PKN2: variants seen among roughly 807,000 people sequenced by gnomAD.
PKN2 encodes protein kinase N2, also known as serine/threonine-protein kinase N2.
PKN2 carries 38 observed loss-of-function variants against 119.1 expected under a neutral mutation model. The observed-to-expected ratio is 0.32, with a 90% CI of 0.25 to 0.42. The LOEUF (loss-of-function observed/expected upper bound fraction) is 0.42. PKN2 is among the 10% of genes least tolerant of loss of function. PKN2 has a pLI of 1.00. For synonymous variants in PKN2, 390 were observed against 384.9 expected, an observed-to-expected ratio of 1.01 and a Z score of -0.15; for missense variants, 850 against 1,165.1, an observed-to-expected ratio of 0.73 and a Z score of 3.94.
chr1:88,794,258 T>C (rs991749944), intron 8 of PKN2, among the ~76,000 whole-genome samples: 1 of 151,982 alleles, frequency 6.6e-6, no homozygotes, highest in Admixed American at 6.6e-5. Context: ...TCCCAGCTAC[T>C]TGGGAGGCTT....
chr1:88,789,136 G>A (rs2100837293), intron 8 of PKN2, among the ~76,000 whole-genome samples: 1 of 152,314 alleles, frequency 6.6e-6, no homozygotes, highest in African/African-American at 2.4e-5. Flanking sequence ...GAGGGAAAGA[G>A]AGTATAGAAG....
At chr1:88,684,731 A>G in intron 1 of PKN2, 103 bp downstream of exon 1, 1 of 1,008,852 alleles carries the variant, frequency 9.9e-7, no homozygotes, top group Admixed American at 3.8e-5. Flanking sequence ...CCGCGCCCCT[A>G]GCCCGCTAAG....
At chr1:88,721,115 T>C (rs1474379954) in intron 1 of PKN2, among the ~76,000 whole-genome samples, 1 of 151,934 alleles carries the variant, frequency 6.6e-6, no homozygotes, top group Admixed American at 6.6e-5. Context: ...TATAATGACT[T>C]TTTTTTTCGT....
rs1393411607 is a variant in PKN2, at chr1:88,684,532, C to T, written c.-49C>T. ...CCCCGAGCCCCGTCCCGCCTTCTCCCTTCGCCAGAGGCGGCCGCGTCCAGG... is the reference window on the plus strand; with the variant it reads ...CCCCGAGCCCCGTCCCGCCTTCTCCTTTCGCCAGAGGCGGCCGCGTCCAGG... On this transcript the variant is annotated 5_prime_UTR_variant, in exon 1 of 22. Coordinates refer to ENST00000370521, the MANE Select transcript of PKN2 (RefSeq NM_006256.4). The T allele has an allele frequency of 2.6e-6, 4 of 1,527,480 alleles. No individual in the cohort carries two copies. The highest frequency in any genetic ancestry group is 2.6e-6 in the Non-Finnish European group (3 of 1,133,644). 94.6% of individuals were successfully genotyped at this position (1,527,480 alleles called of 1,614,324 possible). A position where few individuals can be genotyped will look rare whatever the true frequency, so the allele number is the denominator to read the frequency against.
At chr1:88,765,109 A>G (rs557674501) in intron 3 of PKN2, among the ~76,000 whole-genome samples, 2 of 152,042 alleles carry the variant, frequency 1.3e-5, no homozygotes, top group East Asian at 1.9e-4. Context: ...TTGTATTGCT[A>G]GTAGAGATGG....
At chr1:88,720,523 C>T (rs954627814) in intron 1 of PKN2, among the ~76,000 whole-genome samples, 2 of 152,132 alleles carry the variant, frequency 1.3e-5, no homozygotes, top group African/African-American at 4.8e-5. Flanking sequence ...AATACAGCCC[C>T]ATTGAGAAGT....
intron 15 of PKN2, 99 bp from the exon 16 acceptor site, chr1:88,813,458 A>G (rs1454173305): frequency 1.3e-6 from 1 of 794,314 alleles, no homozygotes; most frequent in East Asian, 2.9e-5. Context: ...AGTTATAGTT[A>G]AAATTTTGCT....
chr1:88,770,355 C>T lies in PKN2; in HGVS notation c.508C>T (p.Arg170Trp), dbSNP rs1284048661. The T allele has an allele frequency of 1.3e-6, 2 of 1,588,772 alleles. No homozygotes were observed. Among genetic ancestry groups the T allele is most frequent in the Non-Finnish European group, 1.7e-6 (2 of 1,160,172 alleles). ...TTCAAACTTATTTTTTTAATAGGAT[C>T]GGAAACTCCATGGTACAGCTCAGCA... is the stretch of plus-strand genomic sequence containing the variant. ...QMYSNGSSKD[R>W]KLHGTAQQLL... Residue 170 changes from arginine to tryptophan, a missense_variant, in exon 4 of 22, where the codon CGG becomes TGG. Around this residue, in one of 9 missense-constraint regions of PKN2, gnomAD observed 350 missense variants for 511.1 expected, o/e 0.68. Coordinates refer to ENST00000370521, the MANE Select transcript of PKN2 (RefSeq NM_006256.4).
chr1:88,786,165 C>A lies in PKN2; in HGVS notation c.1233C>A (p.Pro411=). The part of the protein sequence containing the change: ...NTVVGQTSWK[P]ISNQSWDQKF... Reference sequence around the variant, plus strand: ...TGGTTGGCCAAACTAGCTGGAAACCCATTTCCAATCAGTCATGGGACCAGA... The same window carrying A: ...TGGTTGGCCAAACTAGCTGGAAACCAATTTCCAATCAGTCATGGGACCAGA... Residue 411 remains proline, a synonymous_variant, in exon 8 of 22, where the codon CCC becomes CCA. Coordinates refer to ENST00000370521, the MANE Select transcript of PKN2 (RefSeq NM_006256.4). 1 of 1,611,998 alleles carries A rather than the reference C, an allele frequency of 6.2e-7. No individual in the cohort carries two copies. The highest frequency in any genetic ancestry group is 2.2e-5 in the East Asian group (1 of 44,816).
At chr1:88,808,389 T>C (rs1239320641) in intron 15 of PKN2, among the ~76,000 whole-genome samples, 1 of 152,092 alleles carries the variant, frequency 6.6e-6, no homozygotes, top group Non-Finnish European at 1.5e-5. Flanking sequence ...CACTGCAACC[T>C]CCACCTCCTG....
At chr1:88,731,527 G>A (rs1668142742) in intron 1 of PKN2, among the ~76,000 whole-genome samples, 1 of 152,196 alleles carries the variant, frequency 6.6e-6, no homozygotes, top group African/African-American at 2.4e-5. Context: ...GCTGAACCCA[G>A]CCAGGTCTCT....
intron 1 of PKN2, 34 bp downstream of exon 1, chr1:88,684,662 G>A (rs1046058812): frequency 8.0e-6 from 12 of 1,492,108 alleles, no homozygotes; most frequent in African/African-American, 1.5e-5. Context: ...AGGCGCTGGC[G>A]GAGGAGACAG....
At chr1:88,749,862 C>G (rs1245549462) in intron 2 of PKN2, among the ~76,000 whole-genome samples, 1 of 152,066 alleles carries the variant, frequency 6.6e-6, no homozygotes, top group Non-Finnish European at 1.5e-5. Context: ...AGTATAGTTC[C>G]TCTTTAATTG....
At chr1:88,801,137 A>G (rs752968739) in intron 8 of PKN2, among the ~76,000 whole-genome samples, 1 of 152,188 alleles carries the variant, frequency 6.6e-6, no homozygotes, top group African/African-American at 2.4e-5. Flanking sequence ...TAATCTCAGC[A>G]CTTTGGGGGA....
chr1:88,771,817 G>T lies in PKN2; in HGVS notation c.923G>T (p.Arg308Leu). 1 of 1,613,868 alleles carries T rather than the reference G, an allele frequency of 6.2e-7. No homozygotes were observed. Among genetic ancestry groups the T allele is most frequent in the Non-Finnish European group, 8.5e-7 (1 of 1,179,922 alleles). ...LVAASPTLSP[R>L]QSMISTQNQY... Reference sequence around the variant, plus strand: ...GCTGCATCACCAACACTAAGTCCACGTCAAAGTATGATATCTACGCAAAAT... The same window carrying T: ...GCTGCATCACCAACACTAAGTCCACTTCAAAGTATGATATCTACGCAAAAT... The change falls in exon 6 of 22, where the codon CGT (arginine) becomes CTT (leucine). Residue 308 changes from arginine (R) to leucine (L), a missense_variant. This residue lies in a region of PKN2 where 350 missense variants were observed against 511.1 expected (regional missense o/e 0.68). Transcript: ENST00000370521.
intron 16 of PKN2, among the ~76,000 whole-genome samples, chr1:88,817,666 G>A (rs1280529585): frequency 4.0e-5 from 6 of 150,052 alleles, no homozygotes; most frequent in African/African-American, 9.8e-5. Flanking sequence ...CCGAGATCGC[G>A]CCACAGCACT....
chr1:88,730,478 G>C (rs1446894645), intron 1 of PKN2, among the ~76,000 whole-genome samples: 2 of 152,174 alleles, frequency 1.3e-5, no homozygotes, highest in African/African-American at 4.8e-5. Context: ...GTACTTTCAA[G>C]CCTTGGGTCT....
intron 16 of PKN2, among the ~76,000 whole-genome samples, chr1:88,819,724 C>A (rs1185053065): frequency 6.6e-6 from 1 of 152,110 alleles, no homozygotes; most frequent in African/African-American, 2.4e-5. Flanking sequence ...TTTATTGGAG[C>A]ACTGTTCACA....
At chr1:88,820,072 C>T (rs1672182504) in intron 16 of PKN2, among the ~76,000 whole-genome samples, 1 of 150,978 alleles carries the variant, frequency 6.6e-6, no homozygotes, top group Admixed American at 6.6e-5. Flanking sequence ...AGCAAATCAC[C>T]ATGACACGTG....
Sources: allele counts gnomAD v4.1 joint callset (sites outside exome capture counted in the v4.1 genomes callset), GRCh38; gene constraint gnomAD v4.1.1; regional missense constraint gnomAD v4.1.1; transcripts MANE v1.5; gene names NCBI Gene and HGNC (gene_info 2026-07-23, HGNC 2026-07-21).